Variants in INSC observed in about 807,000 individuals in gnomAD.
INSC encodes INSC spindle orientation adaptor protein.
In INSC, 67 loss-of-function variants were observed where a neutral mutation model predicts 58.6. The ratio of observed to expected loss-of-function variants is 1.14; its 90% CI spans 0.94 to 1.40. INSC has a LOEUF of 1.40. Among genes scored for constraint, INSC ranks in the 40% most tolerant of loss-of-function variants. The pLI is 0.00. For missense variants in INSC, 714 were observed against 692.0 expected, an observed-to-expected ratio of 1.03 and a Z score of -0.36; for synonymous variants, 262 against 276.1, an observed-to-expected ratio of 0.95 and a Z score of 0.51.
intron 9 of INSC, among the ~76,000 whole-genome samples, chr11:15,234,629 G>A (rs1852052594): frequency 6.6e-6 from 1 of 152,176 alleles, no homozygotes; most frequent in African/African-American, 2.4e-5. Flanking sequence ...CCAGTGAGAA[G>A]TGTTTTTAAA....
chr11:15,174,592 A>G (rs1295853276), intron 2 of INSC, among the ~76,000 whole-genome samples: 2 of 152,214 alleles, frequency 1.3e-5, no homozygotes, highest in Non-Finnish European at 2.9e-5. Context: ...GAGGCAGGTA[A>G]GATCAGCGGC....
upstream of INSC, among the ~76,000 whole-genome samples, chr11:15,114,700 G>C (rs1354478526): frequency 6.6e-6 from 1 of 152,220 alleles, no homozygotes; most frequent in African/African-American, 2.4e-5. Flanking sequence ...ATGGGAGGGA[G>C]GGCCATGTTT....
chr11:15,148,847 T>A (rs1216204006), intron 1 of INSC, among the ~76,000 whole-genome samples: 1 of 152,210 alleles, frequency 6.6e-6, no homozygotes, highest in Non-Finnish European at 1.5e-5. Context: ...TGTGTCCCAA[T>A]ATTTGATACA....
intron 8 of INSC, among the ~76,000 whole-genome samples, chr11:15,222,831 A>G (rs1851496748): frequency 6.6e-6 from 1 of 152,190 alleles, no homozygotes; most frequent in South Asian, 2.1e-4. Flanking sequence ...TTTATTCAAA[A>G]TTGAGAAAAC....
intron 7 of INSC, among the ~76,000 whole-genome samples, chr11:15,219,602 T>G (rs1050615852): frequency 2.6e-5 from 4 of 152,132 alleles, no homozygotes; most frequent in Non-Finnish European, 5.9e-5. Flanking sequence ...TGTGTTCAGA[T>G]TGGCCTATCT....
intron 7 of INSC, among the ~76,000 whole-genome samples, chr11:15,207,508 C>A (rs546261760): frequency 1.3e-5 from 2 of 152,236 alleles, no homozygotes; most frequent in Non-Finnish European, 2.9e-5. Context: ...GCCCCACCCT[C>A]ATTTCCTGGG....
Position 15,240,829 on chromosome 11 carries a change from G to A in INSC, c.1470+306G>A, listed in dbSNP as rs868187641. 7.2e-5 allele frequency among the ~76,000 whole-genome samples: 11 copies of A among 152,144 alleles called. No individual in the cohort carries two copies. In the East Asian group the frequency reaches 7.7e-4, roughly 11 times the overall value. On this transcript the variant is annotated intron_variant, in intron 12 of 12. Coordinates refer to ENST00000379556, the MANE Select transcript of INSC (RefSeq NM_001042536.3). ...GGTTCCTGTGGAACGCTAGCTGGTC[G>A]TGTCTATGTCATGGTGCCTGCAGAA...
rs185657301 is a variant in INSC, at chr11:15,204,316, T to C, written c.819+3367T>C. Among the ~76,000 whole-genome samples, 639 of 152,354 alleles carry C rather than the reference T, an allele frequency of 4.2e-3. 2 individuals are homozygous for C. Among genetic ancestry groups the C allele is most frequent in the African/African-American group, 0.015 (611 of 41,588 alleles). Reference sequence around the variant, plus strand: ...GCCCAGGCAGTAATGTAATTCCAGCTCTGCTGGGCCAGAGCCAGCCTGGGC... The same window carrying C: ...GCCCAGGCAGTAATGTAATTCCAGCCCTGCTGGGCCAGAGCCAGCCTGGGC... On this transcript the variant is annotated intron_variant, in intron 7 of 12. Coordinates refer to ENST00000379556, the MANE Select transcript of INSC (RefSeq NM_001042536.3).
At chr11:15,249,060 G>T (rs1376086128), downstream of INSC, among the ~76,000 whole-genome samples, 2 of 152,176 alleles carry the variant, frequency 1.3e-5, no homozygotes, top group African/African-American at 4.8e-5. Context: ...TGGAGTCTGG[G>T]CAGGGAGGAA....
chr11:15,218,263 T>C (rs1405205175), intron 7 of INSC, among the ~76,000 whole-genome samples: 2 of 152,182 alleles, frequency 1.3e-5, no homozygotes, highest in African/African-American at 2.4e-5. Flanking sequence ...AAATACTGAC[T>C]GGAGAGAAAA....
At chr11:15,204,918 C>T (rs145881023) in intron 7 of INSC, among the ~76,000 whole-genome samples, 87 of 152,300 alleles carry the variant, frequency 5.7e-4, no homozygotes, top group African/African-American at 1.9e-3. Flanking sequence ...CAGCCCCCAG[C>T]GGAGTTGTGG....
At chr11:15,212,060 T>C (rs1404217527) in intron 7 of INSC, among the ~76,000 whole-genome samples, 1 of 152,226 alleles carries the variant, frequency 6.6e-6, no homozygotes, top group Non-Finnish European at 1.5e-5. Flanking sequence ...AAATACCTGC[T>C]GAAATGATTG....
At chr11:15,264,695 G>A in the INSC span, among the ~76,000 whole-genome samples, 257 of 150,988 alleles carry the variant, frequency 1.7e-3, no homozygotes, top group Middle Eastern at 6.9e-3. Flanking sequence ...GCTTTGAAAG[G>A]CCCCTTTAGT....
the INSC span, among the ~76,000 whole-genome samples, chr11:15,264,678 G>T: frequency 4.7e-5 from 7 of 149,928 alleles, no homozygotes; most frequent in Non-Finnish European, 1.0e-4. Flanking sequence ...GGCACAGGAA[G>T]TTCTCTGCTT....
chr11:15,155,617 C>A, intron 2 of INSC, among the ~76,000 whole-genome samples: 1 of 152,130 alleles, frequency 6.6e-6, no homozygotes, highest in South Asian at 2.1e-4. Flanking sequence ...GTGCTTAGTA[C>A]GTTTTGGAGG....
chr11:15,177,205 C>G, intron 4 of INSC, 42 bp downstream of exon 4: 1 of 1,536,018 alleles, frequency 6.5e-7, no homozygotes, highest in Non-Finnish European at 9.0e-7. Flanking sequence ...GCCCACCCGA[C>G]CTCTGGCAGG....
intron 7 of INSC, among the ~76,000 whole-genome samples, chr11:15,210,371 A>AGCCTATTCTGTGGGCTACAGACAT (rs1850971810): frequency 1.4e-5 from 2 of 142,914 alleles, no homozygotes; most frequent in Admixed American, 6.7e-5. Context: ...TAGGAATTCT[A>AGCCTATTCTGTGGGCTACAGACAT]GCCTGTTCTG....
chr11:15,269,535 T>G, the INSC span, among the ~76,000 whole-genome samples: 1 of 151,972 alleles, frequency 6.6e-6, no homozygotes, highest in Non-Finnish European at 1.5e-5. Context: ...GGTTTTTTTT[T>G]TGTTTGTTTC....
chr11:15,184,225 A>G (rs1327899202), intron 5 of INSC, among the ~76,000 whole-genome samples: 2 of 151,932 alleles, frequency 1.3e-5, no homozygotes, highest in Non-Finnish European at 2.9e-5. Flanking sequence ...ATTTCAGTAA[A>G]TTATTTTATC....
Sources: allele counts gnomAD v4.1 joint callset (sites outside exome capture counted in the v4.1 genomes callset), GRCh38; gene constraint gnomAD v4.1.1; transcripts MANE v1.5; gene names NCBI Gene and HGNC (gene_info 2026-07-23, HGNC 2026-07-21).